NAA15: variants seen among roughly 807,000 people sequenced by gnomAD.
NAA15 encodes the protein N-alpha-acetyltransferase 15, NatA auxiliary subunit.
NAA15 carries 34 observed loss-of-function variants against 114.0 expected under a neutral mutation model. The observed-to-expected ratio is 0.30, with a 90% confidence interval of 0.23 to 0.40. The LOEUF (loss-of-function observed/expected upper bound fraction) is 0.40, where lower values mean the gene tolerates loss of function less well. Ranked by LOEUF, NAA15 falls within the 10% of genes least tolerant of loss-of-function variation. NAA15 has a pLI of 1.00. For missense variants in NAA15, 658 were observed against 1,004.5 expected (o/e 0.66, Z 4.66); for synonymous variants, 340 against 338.0 (o/e 1.01, Z -0.06).
chr4:139,341,450 C>G (rs1747385129), intron 4 of NAA15, among the ~76,000 whole-genome samples: 2 of 151,366 alleles, frequency 1.3e-5, no homozygotes, highest in South Asian at 4.2e-4. Flanking sequence ...AAAAAATTAG[C>G]TAGGCGTGGT....
intron 6 of NAA15, among the ~76,000 whole-genome samples, chr4:139,348,682 T>C (rs888281854): frequency 6.6e-6 from 1 of 152,212 alleles, no homozygotes; most frequent in Non-Finnish European, 1.5e-5. Flanking sequence ...GTGAAACCAC[T>C]GTCTCTCTCT....
chr4:139,307,823 T>A (rs994365631), intron 1 of NAA15, among the ~76,000 whole-genome samples: 1 of 152,108 alleles, frequency 6.6e-6, no homozygotes, highest in Non-Finnish European at 1.5e-5. Flanking sequence ...TTTTTTCTTT[T>A]CAGGGCACTT....
intron 16 of NAA15, among the ~76,000 whole-genome samples, chr4:139,377,780 G>A (rs1748631454): frequency 1.3e-5 from 2 of 152,088 alleles, no homozygotes; most frequent in Admixed American, 6.6e-5. Flanking sequence ...TTATTATAAC[G>A]TGGAAAATAA....
At chr4:139,383,523 T>A (rs544536613) in intron 17 of NAA15, among the ~76,000 whole-genome samples, 296 of 152,390 alleles carry the variant, frequency 1.9e-3, no homozygotes, top group Middle Eastern at 3.4e-3. Flanking sequence ...CAGGCTGGAA[T>A]GCAGTGGCAT....
intron 6 of NAA15, 27 bp from the exon 7 acceptor site, chr4:139,349,435 A>AT (rs11297960): frequency 0.063 from 60,612 of 957,484 alleles, 1 homozygote; most frequent in East Asian, 0.077. Flanking sequence ...AGATATTAAA[A>AT]TTTTTTTTTT....
At chr4:139,367,733 C>T (rs1349256671) in intron 14 of NAA15, among the ~76,000 whole-genome samples, 2 of 152,096 alleles carry the variant, frequency 1.3e-5, no homozygotes, top group Admixed American at 1.3e-4. Context: ...TGATCTTTGC[C>T]CAGCAAGCCA....
At chr4:139,364,135 C>G (rs1173564558) in intron 14 of NAA15, among the ~76,000 whole-genome samples, 1 of 152,184 alleles carries the variant, frequency 6.6e-6, no homozygotes, top group Non-Finnish European at 1.5e-5. Context: ...CTTGGTCTCC[C>G]AAATTGTTGG....
intron 1 of NAA15, 42 bp from the exon 2 acceptor site, chr4:139,334,132 T>C (rs1246309968): frequency 8.1e-7 from 1 of 1,236,810 alleles, no homozygotes; most frequent in Non-Finnish European, 1.2e-6. Context: ...AAGTTGTTTG[T>C]ATTCCTTGCT....
At position 139,359,772 on chromosome 4, in the gene NAA15, G is replaced by A. The variant is rs750705738; in HGVS notation, c.1287G>A (p.Arg429=). ...KHAGNIKEAA[R]WMDEAQALDT... The stretch of plus-strand genomic sequence containing the variant: ...CTGGAAATATTAAAGAAGCTGCAAG[G>A]TGGATGGATGAGGCCCAGGCCTTGG... Residue 429 remains arginine (R), a synonymous_variant, in exon 12 of 20, where the codon AGG becomes AGA. Transcript: ENST00000296543. 28 of 1,603,194 alleles carry A rather than the reference G, an allele frequency of 1.7e-5. No homozygotes were observed. The Admixed American group carries it at 4.7e-4, about 27-fold the overall frequency.
rs115772191 is a variant in NAA15 at position 139,355,469 on chromosome 4, A to T, written c.1087+1371A>T. ...CTGTACCCCATGTGTTGCTTAACACATTATTCCTTGCTCTCTGAATTTCCT... is the reference window on the plus strand; with the variant it reads ...CTGTACCCCATGTGTTGCTTAACACTTTATTCCTTGCTCTCTGAATTTCCT... On this transcript the variant is annotated intron_variant, in intron 10 of 19. Coordinates refer to ENST00000296543, the MANE Select transcript of NAA15 (RefSeq NM_057175.5). Among the ~76,000 whole-genome samples, 1,292 of 152,042 alleles carry T rather than the reference A, an allele frequency of 8.5e-3. 19 individuals are homozygous for T. Among genetic ancestry groups the T allele is most frequent in the African/African-American group, 0.03 (1,236 of 41,442 alleles).
chr4:139,371,496 AG>A (rs1748436288), intron 15 of NAA15, among the ~76,000 whole-genome samples: 1 of 41,778 alleles, frequency 2.4e-5, no homozygotes, highest in Non-Finnish European at 6.2e-5. Context: ...AAAGAAAAGT[AG>A]CACACACACA....
intron 14 of NAA15, among the ~76,000 whole-genome samples, chr4:139,369,598 C>T (rs1021334841): frequency 2.6e-5 from 4 of 151,808 alleles, no homozygotes; most frequent in Non-Finnish European, 5.9e-5. Flanking sequence ...ATCAGCCGGA[C>T]GTGGTGGCAC....
chr4:139,346,533 GCA>G (rs1747587937), intron 6 of NAA15, among the ~76,000 whole-genome samples: 2 of 150,556 alleles, frequency 1.3e-5, no homozygotes. Context: ...GGATCAATGG[GCA>G]CAGTTAGGCA....
chr4:139,336,916 C>T lies in NAA15; in HGVS notation c.208C>T (p.Arg70Cys), dbSNP rs1236309074. 2.5e-6 allele frequency: 4 copies of T among 1,601,694 alleles called. No homozygotes were observed. Among genetic ancestry groups the T allele is most frequent in the Admixed American group, 3.4e-5 (2 of 58,634 alleles). Residue 70 changes from arginine (R) to cysteine (C), a missense_variant, in exon 3 of 20, where the codon CGT becomes TGT. Physicochemically the swap from Arg to Cys is radical, Grantham distance 180. Coordinates refer to ENST00000296543, the MANE Select transcript of NAA15 (RefSeq NM_057175.5). ...GKKEEAYELV[R>C]RGLRNDLKSH... is the part of the protein sequence containing the mutation. ...AAAGGAAGAAGCTTATGAATTGGTTCGTAGAGGTTTGAGAAATGACTTGAA... is the reference window on the plus strand; with the variant it reads ...AAAGGAAGAAGCTTATGAATTGGTTTGTAGAGGTTTGAGAAATGACTTGAA...
Position 139,344,181 on chromosome 4 carries a change from T to C in NAA15, c.538-5T>C, listed in dbSNP as rs762534696. ...ACTGTCAGTATTCCTTATATCCATA[T>C]ACAGACATCCCCTGACAAGGTGGAT... On this transcript the variant is annotated splice_region_variant and splice_polypyrimidine_tract_variant and intron_variant, in intron 5 of 19. Transcript: ENST00000296543. 5.0e-6 allele frequency: 8 copies of C among 1,605,224 alleles called. No individual in the cohort carries two copies. The East Asian group carries it at 1.3e-4, about 27-fold the overall frequency.
intron 6 of NAA15, among the ~76,000 whole-genome samples, chr4:139,345,223 T>A (rs1747542143): frequency 6.6e-6 from 1 of 152,206 alleles, no homozygotes; most frequent in Non-Finnish European, 1.5e-5. Flanking sequence ...TTCTAAGACT[T>A]CTGGAGGGAG....
In NAA15 at chr4:139,344,258, G is replaced by A. The variant is rs1360713332; in HGVS notation, c.610G>A (p.Gly204Ser). 6.2e-7 allele frequency: 1 copy of A among 1,612,890 alleles called. No homozygotes were observed. Among genetic ancestry groups the A allele is most frequent in the Non-Finnish European group, 8.5e-7 (1 of 1,179,340 alleles). The part of the protein sequence containing the change: ...LYQNQVLREA[G>S]LYREALEHLC... ...TCAGAATCAAGTTCTTCGGGAAGCA[G>A]GTCTCTATAGAGAAGCTTTGGAACA... Residue 204 changes from glycine to serine, a missense_variant, in exon 6 of 20, where the codon GGT becomes AGT. Transcript: ENST00000296543.
At chr4:139,308,878 A>G (rs894125567) in intron 1 of NAA15, among the ~76,000 whole-genome samples, 3 of 152,024 alleles carry the variant, frequency 2.0e-5, no homozygotes, top group Admixed American at 1.3e-4. Flanking sequence ...AGCCTCTCCC[A>G]AGTGCTGGGA....
intron 1 of NAA15, among the ~76,000 whole-genome samples, chr4:139,316,610 C>T (rs2110852184): frequency 6.6e-6 from 1 of 152,004 alleles, no homozygotes; most frequent in East Asian, 1.9e-4. Context: ...GATGTGTTTT[C>T]GTCTGCCCAA....
Sources: gnomAD v4.1 joint callset for allele counts (sites outside exome capture counted in the v4.1 genomes callset) on GRCh38, gnomAD v4.1.1 for gene constraint, MANE v1.5 for transcripts, NCBI Gene and HGNC (gene_info 2026-07-23, HGNC 2026-07-21) for gene names.